Variants in ME2 observed in about 807,000 individuals in gnomAD.
ME2 encodes the protein malic enzyme 2, also known as NAD-dependent malic enzyme, mitochondrial.
A neutral mutation model predicts 73.7 loss-of-function variants in ME2; 60 were observed. That is an observed-to-expected ratio of 0.81 (90% confidence interval 0.66 to 1.01). The LOEUF is 1.01. Among genes scored for constraint, ME2 ranks in the 50% least tolerant of loss-of-function variants. ME2 has a pLI of 0.00. For synonymous variants in ME2, 199 were observed against 236.9 expected (o/e 0.84, Z 1.47); for missense variants, 594 against 705.5 (o/e 0.84, Z 1.79).
intron 2 of ME2, among the ~76,000 whole-genome samples, chr18:50,898,981 A>G (rs1916820701): frequency 6.6e-6 from 1 of 152,132 alleles, no homozygotes; most frequent in African/African-American, 2.4e-5. Flanking sequence ...TTTTCTCATA[A>G]TTTTCTGAAA....
Position 50,924,171 on chromosome 18 carries a change from T to C in ME2, c.1130T>C (p.Phe377Ser), listed in dbSNP as rs1568170400. The C allele has an allele frequency of 4.3e-6, 7 of 1,613,280 alleles. No homozygotes were observed. Among genetic ancestry groups the C allele is most frequent in the Middle Eastern group, 1.6e-4 (1 of 6,068 alleles). Residue 377 changes from phenylalanine to serine, a missense_variant, in exon 11 of 16, where the codon TTT (phenylalanine) becomes TCT (serine). Coordinates refer to ENST00000321341, the MANE Select transcript of ME2 (RefSeq NM_002396.5). ...GCCCCAGAGAGCATACCTGATACTT[T>C]TGAAGATGCAGTGAATATACTGAAG... is the stretch of plus-strand genomic sequence containing the variant. ...HSAPESIPDT[F>S]EDAVNILKPS... is the part of the protein sequence containing the mutation.
At chr18:50,921,639 C>T (rs1196481614) in intron 10 of ME2, among the ~76,000 whole-genome samples, 2 of 151,978 alleles carry the variant, frequency 1.3e-5, no homozygotes, top group Admixed American at 6.6e-5. Flanking sequence ...TGCAGTGGTG[C>T]GATGTCACCT....
chr18:50,887,587 A>G (rs1916502162), intron 1 of ME2, among the ~76,000 whole-genome samples: 1 of 152,222 alleles, frequency 6.6e-6, no homozygotes, highest in Admixed American at 6.5e-5. Flanking sequence ...ATCCCACACC[A>G]TAAGTAGAAT....
At chr18:50,909,163 C>T (rs572045673) in intron 3 of ME2, among the ~76,000 whole-genome samples, 3 of 151,722 alleles carry the variant, frequency 2.0e-5, no homozygotes, top group African/African-American at 4.8e-5. Flanking sequence ...CCATATTGCC[C>T]ATATTGCCCA....
At chr18:50,939,120 A>G (rs1398925709) in intron 13 of ME2, 1 of 136,660 alleles carries the variant, frequency 7.3e-6, no homozygotes, top group African/African-American at 2.9e-5. Flanking sequence ...CAGCACAATA[A>G]GAGAAGGCAA....
chr18:50,913,512 TA>T (rs1437528623), intron 4 of ME2, among the ~76,000 whole-genome samples: 1 of 152,074 alleles, frequency 6.6e-6, no homozygotes, highest in East Asian at 1.9e-4. Context: ...TTTGTATTTT[TA>T]GTAGAGATGG....
intron 2 of ME2, among the ~76,000 whole-genome samples, chr18:50,900,517 C>G (rs900456557): frequency 6.6e-6 from 1 of 151,762 alleles, no homozygotes; most frequent in African/African-American, 2.4e-5. Flanking sequence ...CTGCTGACCT[C>G]GTGATCTGCC....
At chr18:50,909,074 C>G (rs1272338009) in intron 3 of ME2, among the ~76,000 whole-genome samples, 1 of 152,022 alleles carries the variant, frequency 6.6e-6, no homozygotes, top group Non-Finnish European at 1.5e-5. Flanking sequence ...CTACCTCAGC[C>G]TCTCAAGTAG....
intron 10 of ME2, among the ~76,000 whole-genome samples, chr18:50,922,052 G>T (rs1363042309): frequency 6.6e-6 from 1 of 152,156 alleles, no homozygotes; most frequent in Non-Finnish European, 1.5e-5. Flanking sequence ...CTGTCGCTTG[G>T]CATTTATGTC....
intron 1 of ME2, among the ~76,000 whole-genome samples, chr18:50,885,719 A>G (rs2144179708): frequency 6.6e-6 from 1 of 152,176 alleles, no homozygotes; most frequent in South Asian, 2.1e-4. Context: ...ATTATTATTC[A>G]TATGATACTG....
At chr18:50,907,697 C>G (rs543315308) in intron 2 of ME2, among the ~76,000 whole-genome samples, 34 of 152,248 alleles carry the variant, frequency 2.2e-4, no homozygotes, top group African/African-American at 6.5e-4. Flanking sequence ...TCCAAGAGAA[C>G]TAGAAACAAT....
At chr18:50,936,409 AGAAACCCTAAGGTGTAGGAAG>A (rs1917821192) in intron 13 of ME2, among the ~76,000 whole-genome samples, 1 of 152,250 alleles carries the variant, frequency 6.6e-6, no homozygotes, top group Admixed American at 6.5e-5. Context: ...AATCCCACAT[AGAAACCCTAAGGTGTAGGAAG>A]GAATGAAAAG....
At chr18:50,885,722 T>G (rs1916446566) in intron 1 of ME2, among the ~76,000 whole-genome samples, 1 of 152,090 alleles carries the variant, frequency 6.6e-6, no homozygotes, top group Admixed American at 6.6e-5. Flanking sequence ...ATTATTCATA[T>G]GATACTGATT....
intron 11 of ME2, among the ~76,000 whole-genome samples, chr18:50,924,938 G>A (rs1157046663): frequency 6.6e-6 from 1 of 151,146 alleles, no homozygotes; most frequent in African/African-American, 2.4e-5. Flanking sequence ...TGCCTCGGCG[G>A]GTGAGACTCC....
intron 1 of ME2, among the ~76,000 whole-genome samples, chr18:50,886,674 AT>A: frequency 6.6e-6 from 1 of 152,112 alleles, no homozygotes; most frequent in Non-Finnish European, 1.5e-5. Flanking sequence ...GATTTAATAG[AT>A]TCTGTTTAAT....
chr18:50,929,312 C>G (rs1317748702), intron 12 of ME2, among the ~76,000 whole-genome samples: 2 of 151,442 alleles, frequency 1.3e-5, no homozygotes, highest in Non-Finnish European at 2.9e-5. Context: ...ACAGGTGAAA[C>G]CCTGTCTCTA....
intron 10 of ME2, among the ~76,000 whole-genome samples, chr18:50,921,401 A>G (rs2144239441): frequency 6.6e-6 from 1 of 151,886 alleles, no homozygotes; most frequent in African/African-American, 2.4e-5. Context: ...TGTTGGCATC[A>G]GACTTACTCT....
chr18:50,899,160 T>C (rs144769955), intron 2 of ME2, among the ~76,000 whole-genome samples: 185 of 152,264 alleles, frequency 1.2e-3, no homozygotes, highest in African/African-American at 4.3e-3. Context: ...GGGATCTAGG[T>C]TGCACACTAA....
At position 50,920,533 on chromosome 18, in the gene ME2, A is replaced by C. The variant is rs1018453407; in HGVS notation, c.812A>C (p.Glu271Ala). The change falls in exon 8 of 16, where the codon GAA becomes GCA. Residue 271 changes from glutamate to alanine, a missense_variant. By Grantham distance (107) the Glu-to-Ala change is moderately radical (BLOSUM62 -1). Transcript: ENST00000321341. ...NAFRFLRKYR[E>A]KYCTFNDDIQ... is the part of the protein sequence containing the mutation. Reference sequence around the variant, plus strand: ...TTCAGGTTCTTGAGAAAGTACCGAGAAAAATATTGTACTTTCAATGATGAT... The same window carrying C: ...TTCAGGTTCTTGAGAAAGTACCGAGCAAAATATTGTACTTTCAATGATGAT... 6.3e-7 allele frequency: 1 copy of C among 1,597,126 alleles called. No homozygotes were observed. Among genetic ancestry groups the C allele is most frequent in the Admixed American group, 1.8e-5 (1 of 54,146 alleles).
Sources: allele counts gnomAD v4.1 joint callset (sites outside exome capture counted in the v4.1 genomes callset), GRCh38; gene constraint gnomAD v4.1.1; transcripts MANE v1.5; gene names NCBI Gene and HGNC (gene_info 2026-07-23, HGNC 2026-07-21).